The following MOB1B variants were observed in gnomAD, a reference collection of about 807,000 sequenced individuals.
MOB1B encodes the protein MOB kinase activator 1B.
MOB1B carries 19 observed loss-of-function variants against 24.4 expected under a neutral mutation model. That is an observed-to-expected ratio of 0.78 (90% CI 0.54 to 1.14). MOB1B has a LOEUF of 1.14. MOB1B is among the 50% of genes most tolerant of loss of function. MOB1B has a pLI of 0.00. For missense variants in MOB1B, 243 were observed against 259.6 expected (o/e 0.94, Z 0.44); for synonymous variants, 76 against 82.1 (o/e 0.93, Z 0.40).
At chr4:70,961,955 A>G (rs1160990244) in intron 2 of MOB1B, among the ~76,000 whole-genome samples, 1 of 152,220 alleles carries the variant, frequency 6.6e-6, no homozygotes, top group African/African-American at 2.4e-5. Flanking sequence ...GACTAGGTGC[A>G]TTGGCTCACG....
chr4:70,911,897 C>CTTT (rs202152238), intron 1 of MOB1B, among the ~76,000 whole-genome samples: 6 of 139,750 alleles, frequency 4.3e-5, no homozygotes, highest in Admixed American at 1.4e-4. Context: ...TTAAGGCCAT[C>CTTT]TTTTTTTTTT....
intron 1 of MOB1B, among the ~76,000 whole-genome samples, chr4:70,940,967 C>T (rs1416932676): frequency 6.6e-6 from 1 of 152,164 alleles, no homozygotes; most frequent in Admixed American, 6.5e-5. Context: ...GCCACCACGC[C>T]CGGCCCGGCA....
At chr4:70,902,608 CG>C (rs1735558182) in intron 1 of MOB1B, 58 bp downstream of exon 1, 3 of 1,421,218 alleles carry the variant, frequency 2.1e-6, no homozygotes, top group African/African-American at 4.0e-5. Flanking sequence ...GGCCCCCGCC[CG>C]CCGCCCGCCG....
In MOB1B at chr4:70,906,523, C is replaced by T. The variant is rs953933459; in HGVS notation, c.14+3973C>T. Among the ~76,000 whole-genome samples, 6 of 151,956 alleles carry T rather than the reference C, an allele frequency of 3.9e-5. No individual in the cohort carries two copies. The South Asian group carries it at 8.3e-4, about 21-fold the overall frequency. On this transcript the variant is annotated intron_variant, in intron 1 of 5. Coordinates refer to ENST00000309395, the MANE Select transcript of MOB1B (RefSeq NM_173468.4). ...AACATCAATAAATCATGTAGTATGG[C>T]GGAAGGTTGTAAGTGCCATGGAACA...
chr4:70,957,080 A>C (rs1738089374), intron 1 of MOB1B, among the ~76,000 whole-genome samples: 1 of 149,596 alleles, frequency 6.7e-6, no homozygotes, highest in African/African-American at 2.5e-5. Flanking sequence ...GAGTTTGGAA[A>C]GTGTAACCAT....
chr4:70,908,280 G>A (rs1387615416), intron 1 of MOB1B, among the ~76,000 whole-genome samples: 2 of 148,336 alleles, frequency 1.3e-5, no homozygotes, highest in African/African-American at 2.5e-5. Flanking sequence ...CGCCTGCCTC[G>A]GCCTCCCAAA....
rs1739366954 is a variant in MOB1B at position 70,985,996 on chromosome 4, T to G, written c.*3939T>G. ...GAATAGTTTCCTGATGTCACTATTT[T>G]GAAGTGGAAATTATCACTTGGATGT... is the stretch of plus-strand genomic sequence containing the variant. On this transcript the variant is annotated 3_prime_UTR_variant, in exon 6 of 6. Coordinates refer to ENST00000309395, the MANE Select transcript of MOB1B (RefSeq NM_173468.4). 6.6e-6 allele frequency: 1 copy of G among 152,256 alleles called. No homozygotes were observed. Among genetic ancestry groups the G allele is most frequent in the Non-Finnish European group, 1.5e-5 (1 of 68,046 alleles). 9.4% of individuals were successfully genotyped at this position (152,256 alleles called of 1,614,324 possible).
chr4:70,938,779 T>G (rs1737199184), intron 1 of MOB1B, among the ~76,000 whole-genome samples: 2 of 208 alleles, frequency 9.6e-3, no homozygotes, highest in Non-Finnish European at 0.018. Flanking sequence ...AGGATTGGGT[T>G]TTTTTTTTTT....
chr4:70,948,171 C>G (rs1055479349), intron 1 of MOB1B, among the ~76,000 whole-genome samples: 16 of 152,190 alleles, frequency 1.1e-4, no homozygotes, highest in African/African-American at 3.9e-4. Context: ...TAGTAGAGAA[C>G]TACCACTTGT....
At chr4:70,928,299 GT>G (rs200503412) in intron 1 of MOB1B, among the ~76,000 whole-genome samples, 150 of 135,244 alleles carry the variant, frequency 1.1e-3, no homozygotes, top group Middle Eastern at 3.8e-3. Context: ...CAAGAATTTT[GT>G]TTTTTTTTTT....
chr4:70,926,895 G>GA (rs1736679809), intron 1 of MOB1B, among the ~76,000 whole-genome samples: 1 of 152,000 alleles, frequency 6.6e-6, no homozygotes, highest in Non-Finnish European at 1.5e-5. Flanking sequence ...TACTTGGGAG[G>GA]CTGAGGCAGG....
rs576113038 is a variant in MOB1B, at chr4:70,964,841, A to G, written c.182-5090A>G. Among the ~76,000 whole-genome samples the G allele has an allele frequency of 3.2e-4, 48 of 152,072 alleles. No individual in the cohort carries two copies. The Middle Eastern group carries it at 0.014, about 43-fold the overall frequency. On this transcript the variant is annotated intron_variant, in intron 2 of 5. Transcript: ENST00000309395. ...GCTACGTGGGAGGCTGAGGCAGGAA[A>G]ATTGCTTGAACCCAGGAAGCAGAGC...
intron 4 of MOB1B, chr4:70,975,734 A>G: frequency 1.0e-6 from 1 of 978,698 alleles, no homozygotes; most frequent in Non-Finnish European, 1.2e-6. Flanking sequence ...CTTTCAGTAG[A>G]AAGTTCTAGA....
At chr4:70,976,753 C>CATATATATATATATATATATATATAT (rs376072053) in intron 4 of MOB1B, 8 of 181,550 alleles carry the variant, frequency 4.4e-5, no homozygotes, top group African/African-American at 2.2e-4. Context: ...GACTGAATTA[C>CATATATATATATATATATATATATAT]ATATATATAT....
At chr4:70,902,177 A>C, upstream of MOB1B, 1 of 421,148 alleles carries the variant, frequency 2.4e-6, no homozygotes, top group Non-Finnish European at 4.4e-6. Flanking sequence ...AGAGGAGACC[A>C]GAAGGTGAGA....
intron 3 of MOB1B, among the ~76,000 whole-genome samples, chr4:70,972,405 G>C (rs2148900892): frequency 6.6e-6 from 1 of 151,912 alleles, no homozygotes; most frequent in Non-Finnish European, 1.5e-5. Context: ...GTATAGACGG[G>C]GTTTCATCAT....
At chr4:70,926,725 T>C (rs1736669410) in intron 1 of MOB1B, among the ~76,000 whole-genome samples, 1 of 152,088 alleles carries the variant, frequency 6.6e-6, no homozygotes, top group African/African-American at 2.4e-5. Context: ...AAACAAGATG[T>C]GCCGGGCGCA....
intron 2 of MOB1B, among the ~76,000 whole-genome samples, chr4:70,968,771 C>T (rs1306954893): frequency 6.6e-6 from 1 of 152,060 alleles, no homozygotes; most frequent in Non-Finnish European, 1.5e-5. Flanking sequence ...AGGAGAGCAC[C>T]ACCATACTTG....
intron 1 of MOB1B, among the ~76,000 whole-genome samples, chr4:70,909,195 A>G (rs889361155): frequency 1.3e-5 from 2 of 151,932 alleles, no homozygotes; most frequent in Non-Finnish European, 2.9e-5. Flanking sequence ...TGATAGTGCT[A>G]TGTTTATATG....
Sources: gnomAD v4.1 joint callset for allele counts (sites outside exome capture counted in the v4.1 genomes callset) on GRCh38, gnomAD v4.1.1 for gene constraint, MANE v1.5 for transcripts, NCBI Gene and HGNC (gene_info 2026-07-23, HGNC 2026-07-21) for gene names.